SLC66A2: variants seen among roughly 807,000 people sequenced by gnomAD.
SLC66A2 encodes the protein PQ loop repeat containing 1.
SLC66A2 carries 23 observed loss-of-function variants against 25.5 expected under a neutral mutation model. That is an observed-to-expected ratio of 0.90 (90% CI 0.65 to 1.28). SLC66A2 has a LOEUF of 1.28. Among genes scored for constraint, SLC66A2 ranks in the 50% most tolerant of loss-of-function variants. The pLI, the probability that SLC66A2 is intolerant of heterozygous loss-of-function variation, is 0.00. For synonymous variants in SLC66A2, 193 were observed against 166.5 expected, an observed-to-expected ratio of 1.16 and a Z score of -1.23; for missense variants, 396 against 373.1, an observed-to-expected ratio of 1.06 and a Z score of -0.51.
At position 79,917,154 on chromosome 18, in the gene SLC66A2, C is replaced by T. The variant is rs1408946153; in HGVS notation, c.608+2030G>A. Among the ~76,000 whole-genome samples, 1 of 152,254 alleles carries T rather than the reference C, an allele frequency of 6.6e-6. No individual in the cohort carries two copies. Among genetic ancestry groups the T allele is most frequent in the Non-Finnish European group, 1.5e-5 (1 of 68,036 alleles). ...CCCCGTGTGTGAGAAGAGCAGACCT[C>T]AGGGCCTAAGACAGGCCTGCCTGCA... On this transcript the variant is annotated intron_variant, in intron 5 of 5. Transcript: ENST00000397778. This position sits in a 1 kb window ranked among gnomAD's most constrained non-coding sequence, Gnocchi z 6.0.
intron 3 of SLC66A2, among the ~76,000 whole-genome samples, chr18:79,938,145 C>CAA (rs61104575): frequency 1.5e-5 from 2 of 135,942 alleles, no homozygotes; most frequent in Admixed American, 7.3e-5. Context: ...GACCCTGTCT[C>CAA]AAAAAAAAAA....
At chr18:79,913,090 G>A (rs1372615472) in intron 5 of SLC66A2, among the ~76,000 whole-genome samples, 2 of 152,204 alleles carry the variant, frequency 1.3e-5, no homozygotes, top group African/African-American at 2.4e-5. Context: ...CCCAAGGGGT[G>A]AGGACTGACG....
At chr18:79,905,863 C>G (rs1982051974) in intron 5 of SLC66A2, among the ~76,000 whole-genome samples, 2 of 152,230 alleles carry the variant, frequency 1.3e-5, no homozygotes, top group South Asian at 4.1e-4. Flanking sequence ...CAGTTGGTAA[C>G]TCTGTAAACA....
At position 79,919,404 on chromosome 18, in the gene SLC66A2, G is replaced by A; in HGVS notation, c.392-4C>T. 1 of 1,612,176 alleles carries A rather than the reference G, an allele frequency of 6.2e-7. No individual in the cohort carries two copies. The highest frequency in any genetic ancestry group is 1.3e-5 in the African/African-American group (1 of 75,038). On this transcript the variant is annotated splice_polypyrimidine_tract_variant and splice_region_variant and intron_variant, in intron 4 of 5. Transcript: ENST00000397778. ...CAGAAGTGGTGGGGGTCGAAGTCTA[G>A]GGCGAGAGGGAGAAGCAGCCTCAGC...
At chr18:79,919,081 G>T in intron 5 of SLC66A2, 103 bp downstream of exon 5, 1 of 1,066,016 alleles carries the variant, frequency 9.4e-7, no homozygotes, top group Non-Finnish European at 1.4e-6. Flanking sequence ...GGTCAACGTG[G>T]GAAATACACA....
intron 5 of SLC66A2, among the ~76,000 whole-genome samples, chr18:79,911,566 T>C (rs1025536379): frequency 6.6e-6 from 1 of 152,226 alleles, no homozygotes; most frequent in African/African-American, 2.4e-5. Flanking sequence ...CTCTGCAGCA[T>C]GGCAGCTGCA....
chr18:79,935,807 A>G (rs1279537092), intron 3 of SLC66A2, among the ~76,000 whole-genome samples: 2 of 152,146 alleles, frequency 1.3e-5, no homozygotes, highest in Non-Finnish European at 2.9e-5. Flanking sequence ...AGGGAGAGAG[A>G]GAGAGAGAGA....
intron 2 of SLC66A2, among the ~76,000 whole-genome samples, chr18:79,948,815 G>A (rs56663246): frequency 0.021 from 3,133 of 152,216 alleles, 89 homozygotes; most frequent in African/African-American, 0.067. Flanking sequence ...CAACACACAC[G>A]TGAGCTGGGG....
At chr18:79,921,824 G>A (rs56932897) in intron 4 of SLC66A2, among the ~76,000 whole-genome samples, 13 of 80,446 alleles carry the variant, frequency 1.6e-4, no homozygotes, top group South Asian at 6.1e-4. Flanking sequence ...GGAGAGGTCA[G>A]GGTCAGAGGA....
At chr18:79,943,882 C>T (rs554693494) in intron 2 of SLC66A2, 4 of 191,148 alleles carry the variant, frequency 2.1e-5, no homozygotes, top group East Asian at 1.7e-4. Flanking sequence ...GGCCCACCCA[C>T]GCCGCCTCAC....
At chr18:79,912,999 G>A (rs1430575281) in intron 5 of SLC66A2, among the ~76,000 whole-genome samples, 3 of 152,194 alleles carry the variant, frequency 2.0e-5, no homozygotes, top group Non-Finnish European at 4.4e-5. Flanking sequence ...CAGAGGCTGA[G>A]GACCCACACA....
chr18:79,938,971 C>T (rs572871626), intron 3 of SLC66A2, among the ~76,000 whole-genome samples: 2 of 152,362 alleles, frequency 1.3e-5, no homozygotes, highest in Admixed American at 6.5e-5. Context: ...CCGCTGCGAC[C>T]GGCCAGAAGC....
Position 79,937,351 on chromosome 18 carries a change from CG to C in SLC66A2, c.338-3330del, listed in dbSNP as rs1987199818. Among the ~76,000 whole-genome samples the C allele has an allele frequency of 2.0e-5, 3 of 152,302 alleles. No individual in the cohort carries two copies. In the South Asian group the frequency reaches 6.2e-4, roughly 32 times the overall value. ...CCCAGCAGCATCTGACGCGGCTCCC[CG>C]GCCAGAGGGAAGAACTGGAGCATTA... On this transcript the variant is annotated intron_variant, in intron 3 of 5. Transcript: ENST00000397778. This position sits in a 1 kb window ranked among gnomAD's most constrained non-coding sequence, Gnocchi z 5.4.
chr18:79,903,833 C>T lies in SLC66A2; in HGVS notation c.*143G>A, dbSNP rs1359930738. 1.4e-6 allele frequency: 1 copy of T among 692,468 alleles called. No individual in the cohort carries two copies. Among genetic ancestry groups the T allele is most frequent in the Non-Finnish European group, 2.3e-6 (1 of 427,074 alleles). 42.9% of individuals were successfully genotyped at this position (692,468 alleles called of 1,614,324 possible). On this transcript the variant is annotated 3_prime_UTR_variant, in exon 6 of 6. Coordinates refer to ENST00000397778, the MANE Select transcript of SLC66A2 (RefSeq NM_025078.5). ...CCCCCACTGCCCACCCTGAGACACC[C>T]CACAGAGGCTGATGGAGACCCCAAT... is the stretch of plus-strand genomic sequence containing the variant.
At position 79,918,007 on chromosome 18, in the gene SLC66A2, G is replaced by T. The variant is rs1027611378; in HGVS notation, c.608+1177C>A. Among the ~76,000 whole-genome samples, 2 of 151,488 alleles carry T rather than the reference G, an allele frequency of 1.3e-5. No individual in the cohort carries two copies. The highest frequency in any genetic ancestry group is 4.9e-5 in the African/African-American group (2 of 41,154). On this transcript the variant is annotated intron_variant, in intron 5 of 5. Coordinates refer to ENST00000397778, the MANE Select transcript of SLC66A2 (RefSeq NM_025078.5). The surrounding 1 kb of genome is among the most constrained non-coding windows in gnomAD (Gnocchi z 4.0). ...ACACCCACACCTACGCCACACACCTGTAACTGCAACCCACACCTATAACCC... is the reference window on the plus strand; with the variant it reads ...ACACCCACACCTACGCCACACACCTTTAACTGCAACCCACACCTATAACCC...
chr18:79,948,547 C>T (rs775999145), intron 2 of SLC66A2, among the ~76,000 whole-genome samples: 5 of 152,114 alleles, frequency 3.3e-5, no homozygotes, highest in Non-Finnish European at 5.9e-5. Flanking sequence ...TGCTGTGTTG[C>T]GTTGGTTGGT....
chr18:79,903,962 C>T lies in SLC66A2; in HGVS notation c.*14G>A, dbSNP rs369007184. 5.6e-4 allele frequency: 888 copies of T among 1,584,178 alleles called. 5 individuals carry two copies. In the African/African-American group the frequency reaches 9.4e-3, roughly 17 times the overall value. ...CCCGCGGCTGGCGGTCCCACATCCT[C>T]GTCCTCCCCACTGTCAGAGGGCCTT... On this transcript the variant is annotated 3_prime_UTR_variant, in exon 6 of 6. Transcript: ENST00000397778.
chr18:79,944,578 G>C (rs1988004158), intron 2 of SLC66A2: 1 of 152,512 alleles, frequency 6.6e-6, no homozygotes, highest in Admixed American at 6.5e-5. Context: ...CATGCCTGCA[G>C]AGCCACCACC....
intron 5 of SLC66A2, among the ~76,000 whole-genome samples, chr18:79,916,313 G>A (rs545561331): frequency 2.1e-5 from 3 of 140,048 alleles, no homozygotes; most frequent in African/African-American, 7.7e-5. Context: ...CCGTACCCGT[G>A]GTGCTCCCGT....
Sources: allele counts gnomAD v4.1 joint callset (sites outside exome capture counted in the v4.1 genomes callset), GRCh38; gene constraint gnomAD v4.1.1; non-coding constraint Gnocchi (gnomAD v3.1); transcripts MANE v1.5; gene names NCBI Gene and HGNC (gene_info 2026-07-23, HGNC 2026-07-21).